Variants in KCNQ5 observed in about 807,000 individuals in gnomAD.
The protein encoded by KCNQ5 is potassium voltage-gated channel subfamily KQT member 5.
A neutral mutation model predicts 98.2 loss-of-function variants in KCNQ5; 30 were observed. The ratio of observed to expected loss-of-function variants is 0.31; its 90% CI spans 0.23 to 0.41. The LOEUF (loss-of-function observed/expected upper bound fraction) is 0.41. Ranked by LOEUF, KCNQ5 falls within the 10% of genes least tolerant of loss-of-function variation. The pLI is 1.00. For synonymous variants in KCNQ5, 458 were observed against 449.4 expected (o/e 1.02, Z -0.24); for missense variants, 835 against 1,182.5 (o/e 0.71, Z 4.31).
intron 1 of KCNQ5, among the ~76,000 whole-genome samples, chr6:72,623,315 G>C (rs1048070301): frequency 6.6e-6 from 1 of 152,062 alleles, no homozygotes; most frequent in African/African-American, 2.4e-5. Context: ...AGGTGCGATA[G>C]CAGAAGCGCA....
At chr6:72,687,835 CTTT>C (rs531246586) in intron 1 of KCNQ5, among the ~76,000 whole-genome samples, 5 of 135,930 alleles carry the variant, frequency 3.7e-5, no homozygotes, top group Non-Finnish European at 6.3e-5. Context: ...TTATTGATCC[CTTT>C]TTTTTTTTTT....
intron 1 of KCNQ5, among the ~76,000 whole-genome samples, chr6:72,822,609 A>G (rs770929497): frequency 1.6e-4 from 25 of 152,108 alleles, no homozygotes; most frequent in Admixed American, 3.3e-4. Context: ...TTTTTTCTTA[A>G]ATAATAAGTT....
Position 72,622,683 on chromosome 6 carries a change from C to A in KCNQ5, c.398+96C>A. The A allele has an allele frequency of 1.5e-6, 2 of 1,355,880 alleles. No homozygotes were observed. Among genetic ancestry groups the A allele is most frequent in the Non-Finnish European group, 2.0e-6 (2 of 984,552 alleles). The allele number at this position is 1,355,880 out of a possible 1,614,324, so 84.0% of individuals were successfully genotyped here. ...GCGCTCGCGCCCTTGGGCCCCCGCGCGCGTGCACACGTGGTGGCTTTTATT... is the reference window on the plus strand; with the variant it reads ...GCGCTCGCGCCCTTGGGCCCCCGCGAGCGTGCACACGTGGTGGCTTTTATT... On this transcript the variant is annotated intron_variant, in intron 1 of 13. Coordinates refer to ENST00000370398, the MANE Select transcript of KCNQ5 (RefSeq NM_019842.4). The surrounding 1 kb of genome is among the most constrained non-coding windows in gnomAD (Gnocchi z 6.0).
At chr6:73,037,560 G>T in intron 2 of KCNQ5, among the ~76,000 whole-genome samples, 1 of 151,994 alleles carries the variant, frequency 6.6e-6, no homozygotes, top group East Asian at 1.9e-4. Context: ...ATAGATTAAG[G>T]TCCACTTTTT....
At chr6:72,763,660 C>T (rs1772404527) in intron 1 of KCNQ5, among the ~76,000 whole-genome samples, 1 of 151,936 alleles carries the variant, frequency 6.6e-6, no homozygotes, top group Admixed American at 6.6e-5. Flanking sequence ...TAATTTCTGT[C>T]CTAAAGGAGG....
chr6:73,111,956 AAAC>A (rs1322549091), intron 7 of KCNQ5, among the ~76,000 whole-genome samples: 2 of 152,200 alleles, frequency 1.3e-5, no homozygotes, highest in African/African-American at 2.4e-5. Flanking sequence ...TGAGAATATT[AAAC>A]AATAAGTATA....
At chr6:73,071,728 T>A (rs1773308273) in intron 3 of KCNQ5, among the ~76,000 whole-genome samples, 1 of 152,106 alleles carries the variant, frequency 6.6e-6, no homozygotes, top group Non-Finnish European at 1.5e-5. Context: ...ACTCAGTCAT[T>A]ACTTCAAGGA....
At chr6:72,801,032 A>T (rs1225081786) in intron 1 of KCNQ5, among the ~76,000 whole-genome samples, 3 of 151,442 alleles carry the variant, frequency 2.0e-5, no homozygotes, top group Middle Eastern at 3.2e-3. Flanking sequence ...TGCTGAGGAG[A>T]GCTTTACTTC....
chr6:72,653,181 T>G (rs534548810), intron 1 of KCNQ5, among the ~76,000 whole-genome samples: 4 of 152,116 alleles, frequency 2.6e-5, no homozygotes, highest in Admixed American at 1.3e-4. Flanking sequence ...TTCCATGTCT[T>G]GAAGCCTTTG....
At chr6:73,056,147 A>G (rs1772479349) in intron 3 of KCNQ5, among the ~76,000 whole-genome samples, 1 of 152,202 alleles carries the variant, frequency 6.6e-6, no homozygotes, top group Admixed American at 6.5e-5. Flanking sequence ...TTTGTTTACT[A>G]AGGACTTGTG....
intron 1 of KCNQ5, among the ~76,000 whole-genome samples, chr6:72,746,056 T>C (rs1771381255): frequency 9.9e-6 from 1 of 100,686 alleles, no homozygotes; most frequent in African/African-American, 3.6e-5. Context: ...CCGCAAAGAC[T>C]CTATTTGCAA....
intron 1 of KCNQ5, among the ~76,000 whole-genome samples, chr6:72,863,205 A>G (rs1340744133): frequency 1.3e-5 from 2 of 152,134 alleles, no homozygotes; most frequent in Non-Finnish European, 2.9e-5. Flanking sequence ...TTCTAGGAAA[A>G]AAACAGCCTT....
At chr6:72,949,763 T>C (rs1766714010) in intron 1 of KCNQ5, among the ~76,000 whole-genome samples, 1 of 152,188 alleles carries the variant, frequency 6.6e-6, no homozygotes, top group Non-Finnish European at 1.5e-5. Flanking sequence ...TAAATCATTA[T>C]GGGAATAAAA....
At chr6:73,138,361 T>G (rs1295602574) in intron 10 of KCNQ5, among the ~76,000 whole-genome samples, 1 of 152,174 alleles carries the variant, frequency 6.6e-6, no homozygotes, top group Non-Finnish European at 1.5e-5. Context: ...TGGTGACTAG[T>G]TTGCTACGAA....
chr6:73,067,905 T>TATATATAA (rs1434085616), intron 3 of KCNQ5, among the ~76,000 whole-genome samples: 7 of 15,602 alleles, frequency 4.5e-4, no homozygotes, highest in African/African-American at 1.6e-3. Flanking sequence ...TATATATATA[T>TATATATAA]AACTAAAATT....
chr6:73,126,908 G>A (rs1776009746), intron 9 of KCNQ5, among the ~76,000 whole-genome samples: 1 of 151,980 alleles, frequency 6.6e-6, no homozygotes, highest in East Asian at 1.9e-4. Flanking sequence ...TAGTTTGTGG[G>A]AAGAGATAAA....
At chr6:72,918,689 T>A (rs937857186) in intron 1 of KCNQ5, among the ~76,000 whole-genome samples, 4 of 151,986 alleles carry the variant, frequency 2.6e-5, no homozygotes, top group African/African-American at 9.7e-5. Context: ...GAGAGGGAGA[T>A]AAATGGCAAT....
chr6:72,777,766 G>A (rs1773232429), intron 1 of KCNQ5, among the ~76,000 whole-genome samples: 1 of 152,146 alleles, frequency 6.6e-6, no homozygotes. Flanking sequence ...CTAGGCTACA[G>A]AGCCTGCCCT....
rs1330915769 is a variant in KCNQ5 at position 73,169,844 on chromosome 6, C to G, written c.1567C>G (p.Arg523Gly). 2 of 1,604,834 alleles carry G rather than the reference C, an allele frequency of 1.2e-6. No homozygotes were observed. Among genetic ancestry groups the G allele is most frequent in the Non-Finnish European group, 1.7e-6 (2 of 1,171,528 alleles). The change falls in exon 11 of 14, where the codon CGA becomes GGA. Residue 523 changes from arginine (R) to glycine (G), a missense_variant. Transcript: ENST00000370398. ...DLTPPLKTVI[R>G]AIRIMKFHVA... ...CACCCCACCACTTAAAACTGTCATT[C>G]GAGCTATCAGGTTGGTGAAAATCTT... is the stretch of plus-strand genomic sequence containing the variant.
Sources: allele counts gnomAD v4.1 joint callset (sites outside exome capture counted in the v4.1 genomes callset), GRCh38; gene constraint gnomAD v4.1.1; non-coding constraint Gnocchi (gnomAD v3.1); transcripts MANE v1.5; gene names NCBI Gene and HGNC (gene_info 2026-07-23, HGNC 2026-07-21).